CANX: variants seen among roughly 807,000 people sequenced by gnomAD.
The protein encoded by CANX is calnexin, also known as epididymis secretory sperm binding protein.
Under a neutral mutation model 75.7 loss-of-function variants are expected in CANX, and 14 were observed. That is an observed-to-expected ratio of 0.19 (90% confidence interval 0.12 to 0.29). The LOEUF (loss-of-function observed/expected upper bound fraction) is 0.29. Ranked by LOEUF, CANX falls within the 10% of genes least tolerant of loss-of-function variation. The pLI, the probability that CANX is intolerant of heterozygous loss-of-function variation, is 1.00. For synonymous variants in CANX, 227 were observed against 236.9 expected (o/e 0.96, Z 0.38); for missense variants, 567 against 713.2 (o/e 0.79, Z 2.34).
intron 1 of CANX, among the ~76,000 whole-genome samples, chr5:179,683,634 A>G (rs1159857740): frequency 6.6e-6 from 1 of 151,430 alleles, no homozygotes; most frequent in Non-Finnish European, 1.5e-5. Context: ...CCTGGGTTCA[A>G]GTGATTCTCC....
Position 179,721,266 on chromosome 5 carries a change from T to C in CANX, c.1182+706T>C, listed in dbSNP as rs1439289419. The stretch of plus-strand genomic sequence containing the variant: ...ACCTCACCTGGCTGATTTTTTGTAT[T>C]TTTAGTAGAGACGGGGCTTCGCCAT... On this transcript the variant is annotated intron_variant, in intron 10 of 14. Transcript: ENST00000247461. Among the ~76,000 whole-genome samples, 4 of 151,886 alleles carry C rather than the reference T, an allele frequency of 2.6e-5. No homozygotes were observed. In the East Asian group the frequency reaches 7.7e-4, roughly 29 times the overall value.
intron 1 of CANX, among the ~76,000 whole-genome samples, chr5:179,688,224 A>T (rs1776226459): frequency 1.3e-5 from 2 of 150,304 alleles, no homozygotes; most frequent in African/African-American, 4.9e-5. Context: ...CACCCAGCTA[A>T]TTTTTGTATT....
At chr5:179,679,129 G>A (rs1435515354) in intron 1 of CANX, 6 of 1,535,658 alleles carry the variant, frequency 3.9e-6, no homozygotes, top group Non-Finnish European at 5.2e-6. Context: ...CCGAGCACTC[G>A]AAGGTTGCCA....
chr5:179,716,228 G>A lies in CANX; in HGVS notation c.845G>A (p.Arg282Gln), dbSNP rs748992336. The change falls in exon 8 of 15, where the codon CGG (arginine) becomes CAG (glutamine). Residue 282 changes from arginine to glutamine, a missense_variant. Around this residue, in one of 3 missense-constraint regions of CANX, gnomAD observed 351 missense variants for 433.8 expected, o/e 0.81. Transcript: ENST00000247461. Reference protein sequence around the residue: ...PSREIEDPEDRKPEDWDERPK... With the variant: ...PSREIEDPEDQKPEDWDERPK... ...CGTGAAATTGAGGACCCAGAAGACC[G>A]GAAGCCCGAGGATTGGGATGAAAGA... 43 of 1,613,992 alleles carry A rather than the reference G, an allele frequency of 2.7e-5. No individual in the cohort carries two copies. In the South Asian group the frequency reaches 2.9e-4, roughly 11 times the overall value.
chr5:179,714,181 A>G (rs532970426), intron 7 of CANX, among the ~76,000 whole-genome samples: 1 of 152,134 alleles, frequency 6.6e-6, no homozygotes, highest in Non-Finnish European at 1.5e-5. Flanking sequence ...TTGTATGTTT[A>G]GTAGAGTTGG....
intron 1 of CANX, among the ~76,000 whole-genome samples, chr5:179,682,250 C>G (rs1776082571): frequency 8.5e-6 from 1 of 117,604 alleles, no homozygotes; most frequent in Non-Finnish European, 1.8e-5. Flanking sequence ...GAAACTCCAT[C>G]TCAAAAAAAA....
intron 1 of CANX, among the ~76,000 whole-genome samples, chr5:179,684,630 G>A (rs1016300567): frequency 6.6e-6 from 1 of 151,938 alleles, no homozygotes; most frequent in South Asian, 2.1e-4. Context: ...TTGAGCCACC[G>A]TGCCCGGCCA....
chr5:179,680,645 C>T (rs531983382), intron 1 of CANX, among the ~76,000 whole-genome samples: 1 of 152,100 alleles, frequency 6.6e-6, no homozygotes, highest in African/African-American at 2.4e-5. Flanking sequence ...GTCCAGATAA[C>T]AGACAAGTCC....
chr5:179,689,303 G>A (rs1776252476), intron 1 of CANX, among the ~76,000 whole-genome samples: 1 of 148,788 alleles, frequency 6.7e-6, no homozygotes. Flanking sequence ...ACCGATCATA[G>A]ATGACCACTA....
At chr5:179,717,019 C>T (rs1778002189) in intron 8 of CANX, among the ~76,000 whole-genome samples, 2 of 152,064 alleles carry the variant, frequency 1.3e-5, no homozygotes, top group Admixed American at 6.6e-5. Context: ...ATGTAGGGTG[C>T]ACATTGAAGA....
In CANX at chr5:179,707,206, G is replaced by A. The variant is rs1777190885; in HGVS notation, c.304+16G>A. The A allele has an allele frequency of 4.9e-6, 7 of 1,431,174 alleles. No individual in the cohort carries two copies. Among genetic ancestry groups the A allele is most frequent in the Non-Finnish European group, 4.9e-6 (5 of 1,013,350 alleles). The allele number at this position is 1,431,174 out of a possible 1,614,324, so 88.7% of individuals were successfully genotyped here. ...AAATATGATGGTGAGAATCCCATTT[G>A]GTTTAGATATAATAGCAGATAGAGG... is the stretch of plus-strand genomic sequence containing the variant. On this transcript the variant is annotated intron_variant, in intron 4 of 14. Transcript: ENST00000247461.
intron 1 of CANX, chr5:179,681,110 A>G (rs1417154294): frequency 3.3e-5 from 19 of 581,794 alleles, no homozygotes; most frequent in Non-Finnish European, 1.9e-5. Context: ...CCACCCCAGG[A>G]CAAGAAGGGG....
At chr5:179,713,143 G>A (rs1001955527) in intron 7 of CANX, among the ~76,000 whole-genome samples, 2 of 151,446 alleles carry the variant, frequency 1.3e-5, no homozygotes, top group Non-Finnish European at 1.5e-5. Flanking sequence ...GTGCAGTGGC[G>A]CCATCTTGGC....
At chr5:179,711,912 A>G in intron 7 of CANX, among the ~76,000 whole-genome samples, 1 of 152,010 alleles carries the variant, frequency 6.6e-6, no homozygotes, top group East Asian at 1.9e-4. Flanking sequence ...AGCCTGGCCA[A>G]CATGGTGAAA....
upstream of CANX, chr5:179,698,860 T>C: frequency 5.7e-6 from 6 of 1,049,920 alleles, no homozygotes; most frequent in Non-Finnish European, 7.3e-6. Flanking sequence ...GCCAACCGGA[T>C]GTCGGGGCTT....
chr5:179,718,788 A>C (rs1778126960), intron 8 of CANX, among the ~76,000 whole-genome samples: 1 of 152,190 alleles, frequency 6.6e-6, no homozygotes, highest in Non-Finnish European at 1.5e-5. Flanking sequence ...TTGGCCTCCC[A>C]AAGTGCTAGG....
At chr5:179,727,324 C>T (rs551256909) in intron 14 of CANX, among the ~76,000 whole-genome samples, 2 of 152,222 alleles carry the variant, frequency 1.3e-5, no homozygotes, top group African/African-American at 4.8e-5. Context: ...AAGTAAGAAA[C>T]GATGAATAAT....
chr5:179,725,404 AGGTGCG>A (rs1778582565), intron 13 of CANX, among the ~76,000 whole-genome samples: 1 of 151,814 alleles, frequency 6.6e-6, no homozygotes, highest in Admixed American at 6.6e-5. Flanking sequence ...ATTGTTGGCC[AGGTGCG>A]GTGGCTCACG....
intron 8 of CANX, among the ~76,000 whole-genome samples, chr5:179,719,336 T>C (rs1192095933): frequency 1.3e-5 from 2 of 152,220 alleles, no homozygotes; most frequent in Admixed American, 1.3e-4. Context: ...TGATTTGCCA[T>C]TTCCCTGATG....
Sources: gnomAD v4.1 joint callset for allele counts (sites outside exome capture counted in the v4.1 genomes callset) on GRCh38, gnomAD v4.1.1 for gene constraint, gnomAD v4.1.1 regional missense constraint, MANE v1.5 for transcripts, NCBI Gene and HGNC (gene_info 2026-07-23, HGNC 2026-07-21) for gene names.